The following TRIM29 variants were observed in gnomAD, a reference collection of about 807,000 sequenced individuals.
The protein encoded by TRIM29 is tripartite motif-containing protein 29.
Under a neutral mutation model 57.3 loss-of-function variants are expected in TRIM29, and 52 were observed. The ratio of observed to expected loss-of-function variants is 0.91; its 90% CI spans 0.73 to 1.14. TRIM29 has a LOEUF of 1.14. TRIM29 is among the 50% of genes most tolerant of loss of function. The pLI, the probability that TRIM29 is intolerant of heterozygous loss-of-function variation, is 0.00. For synonymous variants in TRIM29, 319 were observed against 316.9 expected, an observed-to-expected ratio of 1.01 and a Z score of -0.07; for missense variants, 753 against 774.6, an observed-to-expected ratio of 0.97 and a Z score of 0.33.
chr11:120,128,766 A>T (rs772678487), intron 1 of TRIM29: 12 of 1,534,810 alleles, frequency 7.8e-6, no homozygotes, highest in Non-Finnish European at 1.0e-5. Flanking sequence ...TTAAGGGCTA[A>T]ACCTCTGCCT....
At chr11:120,127,635 C>T (rs888183100) in intron 2 of TRIM29, 66 bp from the exon 3 acceptor site, 17 of 1,446,234 alleles carry the variant, frequency 1.2e-5, no homozygotes, top group African/African-American at 9.9e-5. Context: ...TCACCCTAGT[C>T]GGGTATGTCT....
intron 5 of TRIM29, chr11:120,122,131 A>AGTGT (rs72245071): frequency 0.038 from 7,790 of 203,586 alleles, 300 homozygotes; most frequent in African/African-American, 0.13. Context: ...TGTGTGTGTG[A>AGTGT]GTGTGTGTGT....
At chr11:120,127,125 A>G (rs915216161) in intron 3 of TRIM29, among the ~76,000 whole-genome samples, 2 of 152,248 alleles carry the variant, frequency 1.3e-5, no homozygotes, top group Non-Finnish European at 2.9e-5. Flanking sequence ...GAGAGTAGGT[A>G]AAGAAATGGA....
At chr11:120,134,041 A>G (rs1196041519) in intron 1 of TRIM29, among the ~76,000 whole-genome samples, 1 of 152,078 alleles carries the variant, frequency 6.6e-6, no homozygotes, top group East Asian at 1.9e-4. Context: ...GCCATAAGAC[A>G]CAGAAAGGGA....
chr11:120,117,099 C>A, intron 7 of TRIM29: 1 of 365,412 alleles, frequency 2.7e-6, no homozygotes. Context: ...AGCGCTGGTC[C>A]CAGAGGGGCC....
At chr11:120,123,691 T>C (rs1157430267) in intron 4 of TRIM29, 1 of 344,774 alleles carries the variant, frequency 2.9e-6, no homozygotes, top group Non-Finnish European at 5.7e-6. Context: ...CTCCACCCCA[T>C]TCCTTTCTCT....
intron 4 of TRIM29, chr11:120,125,430 G>A (rs890081496): frequency 5.5e-5 from 28 of 508,152 alleles, no homozygotes; most frequent in African/African-American, 5.2e-4. Context: ...CCACAGAGAG[G>A]AGGCATTTGT....
chr11:120,128,675 C>A, intron 1 of TRIM29, 180 bp from the exon 2 acceptor site: 1 of 1,533,760 alleles, frequency 6.5e-7, no homozygotes, highest in Non-Finnish European at 8.7e-7. Flanking sequence ...CCATGCCAGT[C>A]GCCAAGGATC....
chr11:120,124,143 C>T (rs1393803449), intron 4 of TRIM29: 1 of 154,596 alleles, frequency 6.5e-6, no homozygotes, highest in Non-Finnish European at 1.4e-5. Flanking sequence ...CATCCCTGCT[C>T]CTGCTTGCCA....
chr11:120,112,107 G>C lies in TRIM29; in HGVS notation c.*307C>G. 2.7e-6 allele frequency: 1 copy of C among 372,068 alleles called. No homozygotes were observed. The highest frequency in any genetic ancestry group is 5.0e-6 in the Non-Finnish European group (1 of 200,020). 23.0% of individuals were successfully genotyped at this position (372,068 alleles called of 1,614,324 possible). ...CTGCTAGCCCCCAGATCCAGCCCGA[G>C]AGGAGGAGGCTGGCGGGTTAGGGCA... On this transcript the variant is annotated 3_prime_UTR_variant, in exon 9 of 9. Coordinates refer to ENST00000341846, the MANE Select transcript of TRIM29 (RefSeq NM_012101.4).
intron 8 of TRIM29, among the ~76,000 whole-genome samples, chr11:120,113,961 T>C (rs1190071974): frequency 6.6e-6 from 1 of 152,090 alleles, no homozygotes; most frequent in East Asian, 1.9e-4. Context: ...TCACAGCACA[T>C]ACAGCAGGTG....
chr11:120,128,360 C>T (rs1341799284), intron 2 of TRIM29, 40 bp downstream of exon 2: 7 of 1,590,890 alleles, frequency 4.4e-6, no homozygotes, highest in South Asian at 1.1e-5. Flanking sequence ...CAGGCCAGGT[C>T]GGGTAAGGGA....
chr11:120,112,498 T>C (rs1863159042), intron 8 of TRIM29, 22 bp from the exon 9 acceptor site: 1 of 1,613,528 alleles, frequency 6.2e-7, no homozygotes, highest in Admixed American at 1.7e-5. Flanking sequence ...ACAAGAGTGG[T>C]CAGCGAGGCC....
In TRIM29 at chr11:120,112,048, C is replaced by A. The variant is rs963229524; in HGVS notation, c.*366G>T. 2.1e-5 allele frequency: 6 copies of A among 279,606 alleles called. No individual in the cohort carries two copies. Among genetic ancestry groups the A allele is most frequent in the African/African-American group, 1.4e-4 (6 of 43,238 alleles). The allele number at this position is 279,606 out of a possible 1,614,324, so 17.3% of individuals were successfully genotyped here. A position where few individuals can be genotyped will look rare whatever the true frequency, so the allele number is the denominator to read the frequency against. ...AGGCCTGGAGACAGCAGGGCGTGGGCGGGAGAGGCAGGCTGATACCATGCG... is the reference window on the plus strand; with the variant it reads ...AGGCCTGGAGACAGCAGGGCGTGGGAGGGAGAGGCAGGCTGATACCATGCG... On this transcript the variant is annotated 3_prime_UTR_variant, in exon 9 of 9. Coordinates refer to ENST00000341846, the MANE Select transcript of TRIM29 (RefSeq NM_012101.4).
In TRIM29 at chr11:120,125,778, G is replaced by C. The variant is rs748338645; in HGVS notation, c.1246C>G (p.Leu416Val). The C allele has an allele frequency of 6.8e-6, 11 of 1,614,096 alleles. No homozygotes were observed. Among genetic ancestry groups the C allele is most frequent in the African/African-American group, 1.3e-5 (1 of 74,928 alleles). The change falls in exon 4 of 9, where the codon CTG (leucine) becomes GTG (valine). Residue 416 changes from leucine to valine, a missense_variant. By Grantham distance (32) the Leu-to-Val change is conservative (BLOSUM62 1). Transcript: ENST00000341846. ...GQSLGNFKDD[L>V]LNVCMRHVEK... is the part of the protein sequence containing the mutation. ...ACGTGGCGCATGCATACATTGAGCA[G>C]GTCGTCCTTGAAGTTGCCTAGTGAC...
chr11:120,131,229 G>A (rs1490718201), intron 1 of TRIM29, among the ~76,000 whole-genome samples: 4 of 152,162 alleles, frequency 2.6e-5, no homozygotes, highest in Non-Finnish European at 5.9e-5. Context: ...CCCCAGGTGA[G>A]CGTGGATTCA....
intron 1 of TRIM29, among the ~76,000 whole-genome samples, chr11:120,129,696 G>T (rs932073785): frequency 4.0e-5 from 6 of 151,834 alleles, no homozygotes; most frequent in Admixed American, 3.9e-4. Flanking sequence ...GGCACCCGGG[G>T]AAGTGGATCC....
intron 5 of TRIM29, among the ~76,000 whole-genome samples, chr11:120,122,163 T>TGTGTGTGA (rs780959243): frequency 0.057 from 8,442 of 148,858 alleles, 309 homozygotes; most frequent in East Asian, 0.073. Context: ...TGTGTGTGTG[T>TGTGTGTGA]GAAAGACGTG....
chr11:120,133,210 G>C (rs1175473392), intron 1 of TRIM29, among the ~76,000 whole-genome samples: 2 of 152,220 alleles, frequency 1.3e-5, no homozygotes, highest in East Asian at 3.8e-4. Context: ...AGCTGATTCT[G>C]GTCTGGGGAT....
Sources: gnomAD v4.1 joint callset for allele counts (sites outside exome capture counted in the v4.1 genomes callset) on GRCh38, gnomAD v4.1.1 for gene constraint, MANE v1.5 for transcripts, NCBI Gene and HGNC (gene_info 2026-07-23, HGNC 2026-07-21) for gene names.